TAS1R1: variants seen among roughly 807,000 people sequenced by gnomAD.
TAS1R1 encodes taste receptor type 1 member 1.
In TAS1R1, 31 loss-of-function variants were observed where a neutral mutation model predicts 45.8. That is an observed-to-expected ratio of 0.68 (90% confidence interval 0.51 to 0.91). The LOEUF (loss-of-function observed/expected upper bound fraction) is 0.91. Among genes scored for constraint, TAS1R1 ranks in the 40% least tolerant of loss-of-function variants. TAS1R1 has a pLI of 0.00. For synonymous variants in TAS1R1, 437 were observed against 448.4 expected, an observed-to-expected ratio of 0.97 and a Z score of 0.32; for missense variants, 1,051 against 1,063.9, an observed-to-expected ratio of 0.99 and a Z score of 0.17.
chr1:6,576,829 CA>C (rs1640192806), intron 4 of TAS1R1, 120 bp from the exon 5 acceptor site: 2 of 1,530,418 alleles, frequency 1.3e-6, no homozygotes, highest in Non-Finnish European at 1.8e-6. Flanking sequence ...TTCACACGAC[CA>C]GGGGCCCTGC....
chr1:6,564,127 G>A (rs898594158), intron 1 of TAS1R1, among the ~76,000 whole-genome samples: 4 of 152,158 alleles, frequency 2.6e-5, no homozygotes, highest in Non-Finnish European at 4.4e-5. Flanking sequence ...CAGACTAGTC[G>A]TAGGAGCCCT....
chr1:6,560,416 T>C (rs1468702494), intron 1 of TAS1R1, among the ~76,000 whole-genome samples: 1 of 152,076 alleles, frequency 6.6e-6, no homozygotes, highest in African/African-American at 2.4e-5. Context: ...GACTAGGGGG[T>C]ATAAGTGTAT....
At chr1:6,557,781 C>G (rs111686129) in intron 1 of TAS1R1, among the ~76,000 whole-genome samples, 1 of 152,242 alleles carries the variant, frequency 6.6e-6, no homozygotes, top group South Asian at 2.1e-4. Flanking sequence ...GTTGTCCAGG[C>G]TAGTCTCCAC....
In TAS1R1 at chr1:6,571,101, G is replaced by A; in HGVS notation, c.384G>A (p.Glu128=). 4.3e-6 allele frequency: 7 copies of A among 1,614,112 alleles called. No individual in the cohort carries two copies. Among genetic ancestry groups the A allele is most frequent in the Non-Finnish European group, 5.9e-6 (7 of 1,179,984 alleles). Residue 128 remains glutamate (E), a synonymous_variant, in exon 2 of 6, where the codon GAG becomes GAA. Coordinates refer to ENST00000333172, the MANE Select transcript of TAS1R1 (RefSeq NM_138697.4). ...CCCTGCCAGGGCAACACCACATAGA[G>A]CTCCAAGGAGACCTTCTCCACTATT... The part of the protein sequence containing the change: ...VLSLPGQHHI[E]LQGDLLHYSP...
At chr1:6,558,914 T>TTACA (rs1557800926) in intron 1 of TAS1R1, among the ~76,000 whole-genome samples, 1 of 140,730 alleles carries the variant, frequency 7.1e-6, no homozygotes, top group African/African-American at 2.6e-5. Context: ...TTTTTTGAGA[T>TTACA]GGAGTCTCGC....
In TAS1R1 at chr1:6,578,154, G is replaced by C. The variant is rs781743469; in HGVS notation, c.1595-499G>C. On this transcript the variant is annotated intron_variant, in intron 5 of 5. Transcript: ENST00000333172. ...AGCAAATTAGGTAGCTAAGGACTCA[G>C]GTCCTTAGTTGGTGTCCAGGGGCCA... 7.2e-5 allele frequency among the ~76,000 whole-genome samples: 11 copies of C among 152,304 alleles called. No homozygotes were observed. The East Asian group carries it at 7.7e-4, about 11-fold the overall frequency.
At chr1:6,556,524 G>C (rs1477485770) in intron 1 of TAS1R1, among the ~76,000 whole-genome samples, 1 of 151,816 alleles carries the variant, frequency 6.6e-6, no homozygotes, top group Non-Finnish European at 1.5e-5. Context: ...CCTTAGCCTC[G>C]GGAGTAGCTG....
intron 2 of TAS1R1, among the ~76,000 whole-genome samples, chr1:6,571,520 C>T (rs1027883925): frequency 3.9e-5 from 6 of 152,214 alleles, no homozygotes; most frequent in Non-Finnish European, 5.9e-5. Flanking sequence ...CCAGAGGTTC[C>T]GTTGCCTTTG....
chr1:6,571,154 C>T lies in TAS1R1; in HGVS notation c.437C>T (p.Pro146Leu). ...YSPTVLAVIG[P>L]DSTNRAATTA... ...CCTACGGTGCTGGCAGTGATTGGGC[C>T]TGACAGCACCAACCGTGCTGCCACC... Residue 146 changes from proline to leucine, a missense_variant, in exon 2 of 6, where the codon CCT (proline) becomes CTT (leucine). By Grantham distance (98) the Pro-to-Leu change is moderately conservative. Coordinates refer to ENST00000333172, the MANE Select transcript of TAS1R1 (RefSeq NM_138697.4). 2.5e-6 allele frequency: 4 copies of T among 1,607,630 alleles called. No individual in the cohort carries two copies. The highest frequency in any genetic ancestry group is 3.4e-6 in the Non-Finnish European group (4 of 1,176,364).
chr1:6,566,688 C>G (rs1639877197), intron 1 of TAS1R1, among the ~76,000 whole-genome samples: 1 of 152,188 alleles, frequency 6.6e-6, no homozygotes, highest in African/African-American at 2.4e-5. Context: ...CTCCACCTCC[C>G]AGGTTCGCAC....
At chr1:6,570,254 G>A (rs1639976575) in intron 1 of TAS1R1, among the ~76,000 whole-genome samples, 1 of 152,086 alleles carries the variant, frequency 6.6e-6, no homozygotes, top group Non-Finnish European at 1.5e-5. Flanking sequence ...TAGGGAGTGG[G>A]GGCTGTTTCT....
rs748545962 is a variant in TAS1R1 at position 6,578,711 on chromosome 1, C to G, written c.1653C>G (p.Thr551=). ...KEEWAPEGSQ[T]CFPRTVVFLA... ...AGTGGGCACCTGAGGGAAGCCAGAC[C>G]TGCTTCCCGCGCACTGTGGTGTTTT... is the stretch of plus-strand genomic sequence containing the variant. Residue 551 remains threonine, a synonymous_variant, in exon 6 of 6, where the codon ACC becomes ACG. Coordinates refer to ENST00000333172, the MANE Select transcript of TAS1R1 (RefSeq NM_138697.4). 7 of 1,609,328 alleles carry G rather than the reference C, an allele frequency of 4.3e-6. No individual in the cohort carries two copies. Among genetic ancestry groups the G allele is most frequent in the South Asian group, 1.1e-5 (1 of 90,570 alleles).
At chr1:6,566,927 A>G (rs1639883255) in intron 1 of TAS1R1, among the ~76,000 whole-genome samples, 1 of 152,096 alleles carries the variant, frequency 6.6e-6, no homozygotes, top group Non-Finnish European at 1.5e-5. Flanking sequence ...CATGATGAGC[A>G]GTTAGGGAAG....
chr1:6,575,343 T>C lies in TAS1R1; in HGVS notation c.1211T>C (p.Leu404Pro), dbSNP rs563109145. Residue 404 changes from leucine (L) to proline (P), a missense_variant, in exon 3 of 6, where the codon CTG (leucine) becomes CCG (proline). Transcript: ENST00000333172. ...YAVAHGLHQL[L>P]GCASGACSRG... Reference sequence around the variant, plus strand: ...GTGGCCCATGGCCTCCACCAGCTCCTGGGCTGTGCCTCTGGAGCTTGTTCC... The same window carrying C: ...GTGGCCCATGGCCTCCACCAGCTCCCGGGCTGTGCCTCTGGAGCTTGTTCC... 1.7e-5 allele frequency: 28 copies of C among 1,605,132 alleles called. No individual in the cohort carries two copies. The African/African-American group carries it at 3.3e-4, about 19-fold the overall frequency.
intron 1 of TAS1R1, among the ~76,000 whole-genome samples, chr1:6,558,709 A>C (rs1209908365): frequency 6.6e-6 from 1 of 150,892 alleles, no homozygotes; most frequent in Non-Finnish European, 1.5e-5. Context: ...CTCCAGCGAG[A>C]CTCAGTCTAA....
intron 3 of TAS1R1, 75 bp from the exon 4 acceptor site, chr1:6,576,340 G>T: frequency 6.9e-7 from 1 of 1,447,364 alleles, no homozygotes; most frequent in Non-Finnish European, 9.6e-7. Flanking sequence ...ACCCAGGAAG[G>T]CCCCAGGCCC....
At chr1:6,577,572 C>G (rs1640215139) in intron 5 of TAS1R1, among the ~76,000 whole-genome samples, 2 of 151,142 alleles carry the variant, frequency 1.3e-5, no homozygotes, top group Admixed American at 6.6e-5. Context: ...CACCTGTAAT[C>G]CCAGCACTTT....
intron 4 of TAS1R1, 124 bp from the exon 5 acceptor site, chr1:6,576,826 G>A (rs543828127): frequency 1.5e-4 from 227 of 1,515,612 alleles, no homozygotes; most frequent in Middle Eastern, 1.9e-4. Flanking sequence ...AAGTTCACAC[G>A]ACCAGGGGCC....
rs779821784 is a variant in TAS1R1 at position 6,574,949 on chromosome 1, G to T, written c.817G>T (p.Val273Phe). Residue 273 changes from valine to phenylalanine, a missense_variant, in exon 3 of 6, where the codon GTT becomes TTT. Val to Phe is a conservative substitution (Grantham distance 50, BLOSUM62 -1). Coordinates refer to ENST00000333172, the MANE Select transcript of TAS1R1 (RefSeq NM_138697.4). This position sits in a 1 kb window ranked among gnomAD's most constrained non-coding sequence, Gnocchi z 4.3. ...LAQAGATVVV[V>F]FSSRQLARVF... ...CCAGGCCGGGGCCACCGTCGTGGTT[G>T]TTTTTTCCAGCCGGCAGTTGGCCAG... 14 of 1,609,748 alleles carry T rather than the reference G, an allele frequency of 8.7e-6. No individual in the cohort carries two copies. Among genetic ancestry groups the T allele is most frequent in the Non-Finnish European group, 1.2e-5 (14 of 1,176,804 alleles).
Sources: allele counts gnomAD v4.1 joint callset (sites outside exome capture counted in the v4.1 genomes callset), GRCh38; gene constraint gnomAD v4.1.1; non-coding constraint Gnocchi (gnomAD v3.1); transcripts MANE v1.5; gene names NCBI Gene and HGNC (gene_info 2026-07-23, HGNC 2026-07-21).